Variants in TMEM67 observed in about 807,000 individuals in gnomAD.
TMEM67 encodes transmembrane protein 67.
In TMEM67, 124 loss-of-function variants were observed where a neutral mutation model predicts 136.6. The ratio of observed to expected loss-of-function variants is 0.91; its 90% CI spans 0.78 to 1.05. TMEM67 has a LOEUF of 1.05. TMEM67 is among the 50% of genes least tolerant of loss of function. TMEM67 has a pLI of 0.00. For synonymous variants in TMEM67, 364 were observed against 390.5 expected (o/e 0.93, Z 0.80); for missense variants, 1,107 against 1,178.4 (o/e 0.94, Z 0.89).
Position 93,808,973 on chromosome 8 carries a change from G to A in TMEM67, c.2556+17G>A. ...CTAATAAGGGTTTGTATAAAGTACA[G>A]TTCAGATATATTCTGTCAATATTTC... On this transcript the variant is annotated intron_variant, in intron 24 of 27. Transcript: ENST00000453321. The A allele has an allele frequency of 6.5e-7, 1 of 1,528,698 alleles. No homozygotes were observed. The highest frequency in any genetic ancestry group is 9.1e-7 in the Non-Finnish European group (1 of 1,102,420). The allele number at this position is 1,528,698 out of a possible 1,614,324, so 94.7% of individuals were successfully genotyped here. A position where few individuals can be genotyped will look rare whatever the true frequency, so the allele number is the denominator to read the frequency against.
chr8:93,775,751 T>C (rs2130637908), intron 7 of TMEM67, among the ~76,000 whole-genome samples: 1 of 152,366 alleles, frequency 6.6e-6, no homozygotes, highest in Non-Finnish European at 1.5e-5. Flanking sequence ...TTTTGGTTAC[T>C]GTAGCCTTGT....
At chr8:93,760,694 A>G (rs1008914966) in intron 3 of TMEM67, among the ~76,000 whole-genome samples, 3 of 151,880 alleles carry the variant, frequency 2.0e-5, no homozygotes, top group African/African-American at 7.2e-5. Flanking sequence ...AAAAGAAAAA[A>G]AGAAAAACCA....
At chr8:93,765,833 C>T (rs1215178514) in intron 6 of TMEM67, among the ~76,000 whole-genome samples, 187 bp downstream of exon 6, 5 of 152,006 alleles carry the variant, frequency 3.3e-5, no homozygotes, top group South Asian at 2.1e-4. Context: ...CAGTCTGTAC[C>T]GTAGCCTGTT....
intron 6 of TMEM67, among the ~76,000 whole-genome samples, chr8:93,770,663 GC>G (rs1358823059): frequency 6.6e-6 from 1 of 152,034 alleles, no homozygotes; most frequent in East Asian, 1.9e-4. Flanking sequence ...ACAGCTCATT[GC>G]ATCACAACAA....
chr8:93,775,621 A>T (rs906721094), intron 7 of TMEM67, among the ~76,000 whole-genome samples: 1 of 152,100 alleles, frequency 6.6e-6, no homozygotes, highest in Non-Finnish European at 1.5e-5. Context: ...TCCTTTCCCC[A>T]TTTCTTGTTT....
At chr8:93,791,408 GC>G in intron 15 of TMEM67, 89 bp downstream of exon 15, 1 of 906,406 alleles carries the variant, frequency 1.1e-6, no homozygotes, top group Non-Finnish European at 1.8e-6. Flanking sequence ...AAACAAATTT[GC>G]CAGCTATTCT....
At chr8:93,762,623 A>T (rs1333107123) in intron 3 of TMEM67, among the ~76,000 whole-genome samples, 1 of 152,118 alleles carries the variant, frequency 6.6e-6, no homozygotes, top group African/African-American at 2.4e-5. Flanking sequence ...TGAAAATATT[A>T]ACTTGATTCT....
chr8:93,809,155 T>A lies in TMEM67; in HGVS notation c.2655T>A (p.Ile885=). ...TGAATAAATTTCTTGGCTCCTTCAT[T>A]GACCATGTATGTATGTCAACATTTA... ...HMMNKFLGSF[I]DHVHKEMDYF... is the part of the protein sequence containing the mutation. The change falls in exon 25 of 28, where the codon ATT becomes ATA. Residue 885 remains isoleucine, a synonymous_variant. Transcript: ENST00000453321. The A allele has an allele frequency of 2.0e-6, 3 of 1,523,348 alleles. No individual in the cohort carries two copies. Among genetic ancestry groups the A allele is most frequent in the South Asian group, 2.2e-5 (2 of 89,156 alleles). The allele number at this position is 1,523,348 out of a possible 1,614,324, so 94.4% of individuals were successfully genotyped here. A position where few individuals can be genotyped will look rare whatever the true frequency, so the allele number is the denominator to read the frequency against.
rs754510855 is a variant in TMEM67 at position 93,787,806 on chromosome 8, A to T, written c.1413-38A>T. On this transcript the variant is annotated intron_variant, in intron 13 of 27. Coordinates refer to ENST00000453321, the MANE Select transcript of TMEM67 (RefSeq NM_153704.6). ...GTTAAATGTATGTTTAAAGGCCCGGATATACTGATTACTATAAATGCATTT... is the reference window on the plus strand; with the variant it reads ...GTTAAATGTATGTTTAAAGGCCCGGTTATACTGATTACTATAAATGCATTT... The T allele has an allele frequency of 3.4e-6, 5 of 1,454,630 alleles. No individual in the cohort carries two copies. In the African/African-American group the frequency reaches 5.6e-5, roughly 16 times the overall value. 90.1% of individuals were successfully genotyped at this position (1,454,630 alleles called of 1,614,324 possible).
At position 93,816,438 on chromosome 8, in the gene TMEM67, A is replaced by C; in HGVS notation, c.2974A>C (p.Arg992=). 1 of 1,589,654 alleles carries C rather than the reference A, an allele frequency of 6.3e-7. No individual in the cohort carries two copies. The highest frequency in any genetic ancestry group is 8.6e-7 in the Non-Finnish European group (1 of 1,159,340). ...GGCATCCAAAACATTGGTGGATCAA[A>C]GATTTTTGATTTAACTTCCTGAATA... ...NLASKTLVDQ[R]FLI Residue 992 remains arginine, a synonymous_variant, in exon 28 of 28, where the codon AGA becomes CGA. Coordinates refer to ENST00000453321, the MANE Select transcript of TMEM67 (RefSeq NM_153704.6).
intron 13 of TMEM67, among the ~76,000 whole-genome samples, chr8:93,787,019 A>T (rs190692518): frequency 9.9e-4 from 151 of 152,314 alleles, no homozygotes; most frequent in African/African-American, 3.1e-3. Context: ...GTTATTTATC[A>T]TGCTGAAATC....
At chr8:93,765,281 A>T in intron 4 of TMEM67, 125 bp from the exon 5 acceptor site, 1 of 761,238 alleles carries the variant, frequency 1.3e-6, no homozygotes, top group Non-Finnish European at 2.2e-6. Flanking sequence ...AAATTTGTTT[A>T]ACATATTTAC....
chr8:93,806,107 C>T (rs1192994183), intron 23 of TMEM67, among the ~76,000 whole-genome samples: 1 of 152,126 alleles, frequency 6.6e-6, no homozygotes, highest in African/African-American at 2.4e-5. Flanking sequence ...GGAGTATAGG[C>T]TGCCTCACAG....
intron 4 of TMEM67, 47 bp downstream of exon 4, chr8:93,763,988 A>G (rs1812967444): frequency 1.2e-5 from 14 of 1,188,358 alleles, no homozygotes; most frequent in Non-Finnish European, 1.8e-5. Context: ...ATCTTATATT[A>G]GTGTATAATT....
chr8:93,760,403 A>G (rs1812775702), intron 3 of TMEM67, among the ~76,000 whole-genome samples: 1 of 152,208 alleles, frequency 6.6e-6, no homozygotes, highest in South Asian at 2.1e-4. Flanking sequence ...ATAAGTGGGG[A>G]TAAAACTGAT....
chr8:93,784,253 G>A (rs1270379694), intron 11 of TMEM67, among the ~76,000 whole-genome samples: 1 of 152,150 alleles, frequency 6.6e-6, no homozygotes, highest in African/African-American at 2.4e-5. Context: ...AGGCCAGAAA[G>A]ATCAACACTT....
chr8:93,799,904 CTTTTTTTT>C (rs35554591), intron 21 of TMEM67, 146 bp downstream of exon 21: 35 of 347,874 alleles, frequency 1.0e-4, no homozygotes, highest in African/African-American at 5.4e-4. Flanking sequence ...ATGGTCAGTT[CTTTTTTTT>C]TTTTTTTTTT....
rs1814473705 is a variant in TMEM67 at position 93,793,416 on chromosome 8, T to C, written c.1674+120T>C. On this transcript the variant is annotated intron_variant, in intron 16 of 27. Coordinates refer to ENST00000453321, the MANE Select transcript of TMEM67 (RefSeq NM_153704.6). The stretch of plus-strand genomic sequence containing the variant: ...CATTGAATTTTTCTGGGATATGTAA[T>C]TAGGGTAAGTATTGCTGGGTCATAT... 3.7e-6 allele frequency: 3 copies of C among 821,070 alleles called. No homozygotes were observed. The South Asian group carries it at 4.4e-5, about 12-fold the overall frequency. The allele number at this position is 821,070 out of a possible 1,614,324, so 50.9% of individuals were successfully genotyped here.
Position 93,795,898 on chromosome 8 carries a change from T to C in TMEM67, c.1774-3T>C, listed in dbSNP as rs1255478602. 6.3e-7 allele frequency: 1 copy of C among 1,578,482 alleles called. No individual in the cohort carries two copies. The highest frequency in any genetic ancestry group is 8.7e-7 in the Non-Finnish European group (1 of 1,150,212). On this transcript the variant is annotated splice_region_variant and splice_polypyrimidine_tract_variant and intron_variant, in intron 17 of 27. Coordinates refer to ENST00000453321, the MANE Select transcript of TMEM67 (RefSeq NM_153704.6). ...ATATTTAATCAAGTAATTTTTATTA[T>C]AGGCACAGAAGTCTGTGTCTGTTTT...
Sources: gnomAD v4.1 joint callset for allele counts (sites outside exome capture counted in the v4.1 genomes callset) on GRCh38, gnomAD v4.1.1 for gene constraint, MANE v1.5 for transcripts, NCBI Gene and HGNC (gene_info 2026-07-23, HGNC 2026-07-21) for gene names.